ERLEC1: variants seen among roughly 807,000 people sequenced by gnomAD.
ERLEC1 encodes endoplasmic reticulum lectin 1, also known as ER lectin.
A neutral mutation model predicts 68.0 loss-of-function variants in ERLEC1; 47 were observed. The observed-to-expected ratio is 0.69, with a 90% CI of 0.55 to 0.88. ERLEC1 has a LOEUF of 0.88. ERLEC1 is among the 40% of genes least tolerant of loss of function. ERLEC1 has a pLI of 0.00. For missense variants in ERLEC1, 567 were observed against 583.8 expected (o/e 0.97, Z 0.30); for synonymous variants, 225 against 203.2 (o/e 1.11, Z -0.91).
intron 10 of ERLEC1, among the ~76,000 whole-genome samples, 198 bp downstream of exon 10, chr2:53,809,471 C>T (rs906490291): frequency 3.3e-5 from 5 of 152,114 alleles, no homozygotes; most frequent in African/African-American, 4.8e-5. Context: ...AGTGATATTG[C>T]TTATTAATTA....
intron 8 of ERLEC1, 116 bp from the exon 9 acceptor site, chr2:53,808,183 A>G: frequency 9.2e-7 from 1 of 1,082,892 alleles, no homozygotes; most frequent in South Asian, 1.7e-5. Flanking sequence ...ATTAAAAGCA[A>G]GTGGACAATT....
At chr2:53,802,364 A>G (rs540750737) in intron 8 of ERLEC1, among the ~76,000 whole-genome samples, 19 of 152,264 alleles carry the variant, frequency 1.2e-4, no homozygotes, top group South Asian at 2.1e-4. Flanking sequence ...CAATTGACCA[A>G]TTAGAAACCT....
Position 53,788,249 on chromosome 2 carries a change from A to G in ERLEC1, c.162+877A>G, listed in dbSNP as rs1460117073. On this transcript the variant is annotated intron_variant, in intron 1 of 13. Transcript: ENST00000185150. Reference sequence around the variant, plus strand: ...TCAAGCATTCAACTTGCAATACTTTATTATATTCTTTCATTACCATTTCAT... The same window carrying G: ...TCAAGCATTCAACTTGCAATACTTTGTTATATTCTTTCATTACCATTTCAT... 3.2e-4 allele frequency among the ~76,000 whole-genome samples: 49 copies of G among 152,204 alleles called. 1 individual carries two copies. The highest frequency in any genetic ancestry group is 2.9e-5 in the Non-Finnish European group (2 of 68,032).
intron 9 of ERLEC1, among the ~76,000 whole-genome samples, chr2:53,808,766 A>G (rs958922783): frequency 6.6e-5 from 10 of 152,280 alleles, no homozygotes; most frequent in African/African-American, 2.4e-4. Context: ...TTATGTAGCA[A>G]TCACATTTCA....
chr2:53,799,073 T>G lies in ERLEC1; in HGVS notation c.517T>G (p.Ser173Ala), dbSNP rs201137433. The G allele has an allele frequency of 3.1e-6, 5 of 1,612,076 alleles. No individual in the cohort carries two copies. The African/African-American group carries it at 6.7e-5, about 22-fold the overall frequency. ...ACGAGAAGCAGAAGAAAAGGAAAAATCAAATGAGGCAAGTGACAGATGTTG... is the reference window on the plus strand; with the variant it reads ...ACGAGAAGCAGAAGAAAAGGAAAAAGCAAATGAGGCAAGTGACAGATGTTG... ...KEREAEEKEKSNEIPTKNIEG... is the reference protein window; with the variant it reads ...KEREAEEKEKANEIPTKNIEG... The change falls in exon 6 of 14, where the codon TCA (serine) becomes GCA (alanine). Residue 173 changes from serine (S) to alanine (A), a missense_variant. By Grantham distance (99) the Ser-to-Ala change is moderately conservative. Coordinates refer to ENST00000185150, the MANE Select transcript of ERLEC1 (RefSeq NM_015701.5).
At chr2:53,800,324 T>C (rs941854730) in intron 6 of ERLEC1, among the ~76,000 whole-genome samples, 1 of 152,152 alleles carries the variant, frequency 6.6e-6, no homozygotes, top group Admixed American at 6.5e-5. Context: ...TACAATCTTA[T>C]GGGGCCATTG....
chr2:53,787,122 G>A lies in ERLEC1; in HGVS notation c.-89G>A, dbSNP rs1027542439. ...TGATACCCGGGCGCTTTATAGTCCC[G>A]CCGCCTCCTCCTCCACCTCCTCCTC... is the stretch of plus-strand genomic sequence containing the variant. On this transcript the variant is annotated 5_prime_UTR_variant, in exon 1 of 14. Transcript: ENST00000185150. 42 of 1,359,572 alleles carry A rather than the reference G, an allele frequency of 3.1e-5. No homozygotes were observed. Among genetic ancestry groups the A allele is most frequent in the Non-Finnish European group, 3.3e-5 (34 of 1,042,370 alleles). The allele number at this position is 1,359,572 out of a possible 1,614,324, so 84.2% of individuals were successfully genotyped here. A position where few individuals can be genotyped will look rare whatever the true frequency, so the allele number is the denominator to read the frequency against.
In ERLEC1 at chr2:53,808,477, C is replaced by G; in HGVS notation, c.1041+17C>G. On this transcript the variant is annotated intron_variant, in intron 9 of 13. Transcript: ENST00000185150. ...TTTCGTGGGGTGAGAAGTAAATCTT[C>G]AGTTTAAATATTTATTTTACAACTT... 2 of 1,611,112 alleles carry G rather than the reference C, an allele frequency of 1.2e-6. No homozygotes were observed. The highest frequency in any genetic ancestry group is 1.7e-6 in the Non-Finnish European group (2 of 1,179,462).
rs373239050 is a variant in ERLEC1, at chr2:53,788,195, T to A, written c.162+823T>A. On this transcript the variant is annotated intron_variant, in intron 1 of 13. Transcript: ENST00000185150. ...AATTGAAGTCCCGGAAAAAGCAAAATTTTTTTAAACTTTTTATTCCAATTA... is the reference window on the plus strand; with the variant it reads ...AATTGAAGTCCCGGAAAAAGCAAAAATTTTTTAAACTTTTTATTCCAATTA... Among the ~76,000 whole-genome samples the A allele has an allele frequency of 5.3e-4, 80 of 152,274 alleles. 2 individuals carry two copies. Among genetic ancestry groups the A allele is most frequent in the African/African-American group, 1.7e-3 (71 of 41,554 alleles).
In ERLEC1 at chr2:53,801,596, T is replaced by A; in HGVS notation, c.725T>A (p.Leu242His). Residue 242 changes from leucine (L) to histidine (H), a missense_variant, in exon 7 of 14, where the codon CTC becomes CAC. By Grantham distance (99) the Leu-to-His change is moderately conservative (BLOSUM62 -3). Coordinates refer to ENST00000185150, the MANE Select transcript of ERLEC1 (RefSeq NM_015701.5). ...CEYEVVILTP[L>H]LCSHPKYRFR... ...TATGAAGTTGTCATTTTGACACCAC[T>A]CTTGTGCAGTCATCCTAAATATAGG... 6.2e-7 allele frequency: 1 copy of A among 1,613,986 alleles called. No individual in the cohort carries two copies. Among genetic ancestry groups the A allele is most frequent in the East Asian group, 2.2e-5 (1 of 44,876 alleles).
At chr2:53,793,709 G>C (rs1675536731) in intron 1 of ERLEC1, among the ~76,000 whole-genome samples, 2 of 151,728 alleles carry the variant, frequency 1.3e-5, no homozygotes, top group African/African-American at 2.4e-5. Flanking sequence ...AACCTCCCAA[G>C]TATAATCACT....
At chr2:53,791,181 C>T (rs1675373240) in intron 1 of ERLEC1, among the ~76,000 whole-genome samples, 1 of 152,210 alleles carries the variant, frequency 6.6e-6, no homozygotes, top group African/African-American at 2.4e-5. Context: ...ATTAGGAGTT[C>T]CTCTCATGCC....
intron 8 of ERLEC1, among the ~76,000 whole-genome samples, chr2:53,804,992 T>A (rs1676208847): frequency 7.1e-6 from 1 of 139,996 alleles, no homozygotes; most frequent in Non-Finnish European, 1.6e-5. Flanking sequence ...AGGATCTCTT[T>A]TTTTTTTTTT....
chr2:53,817,374 C>G (rs753925531), intron 13 of ERLEC1, among the ~76,000 whole-genome samples: 3 of 152,124 alleles, frequency 2.0e-5, no homozygotes, highest in Non-Finnish European at 2.9e-5. Context: ...CCCTCACGAT[C>G]CGCCCGTCTC....
At chr2:53,816,572 A>G (rs1676898588) in intron 13 of ERLEC1, among the ~76,000 whole-genome samples, 1 of 151,752 alleles carries the variant, frequency 6.6e-6, no homozygotes, top group Non-Finnish European at 1.5e-5. Context: ...ACCCAGCCCC[A>G]TTTTCTTATT....
intron 2 of ERLEC1, 144 bp downstream of exon 2, chr2:53,794,593 C>T: frequency 2.0e-6 from 1 of 500,140 alleles, no homozygotes; most frequent in Non-Finnish European, 3.6e-6. Context: ...CTTTTAATAT[C>T]CCTGAATTCT....
intron 1 of ERLEC1, among the ~76,000 whole-genome samples, chr2:53,793,759 A>G (rs1052637213): frequency 1.3e-5 from 2 of 151,748 alleles, no homozygotes; most frequent in African/African-American, 2.4e-5. Flanking sequence ...TTTTTTCTTT[A>G]TACTCCAAAC....
At chr2:53,808,739 TATATCCCAC>T (rs1676433893) in intron 9 of ERLEC1, among the ~76,000 whole-genome samples, 2 of 152,214 alleles carry the variant, frequency 1.3e-5, no homozygotes, top group South Asian at 4.1e-4. Flanking sequence ...CATGTGATTG[TATATCCCAC>T]ATTTTGGTTA....
In ERLEC1 at chr2:53,808,404, T is replaced by C. The variant is rs776178564; in HGVS notation, c.985T>C (p.Leu329=). ...TGTTGGGACAACCCACATATCCAAATTGACAGATGACCAACTCATAAAAGA... is the reference window on the plus strand; with the variant it reads ...TGTTGGGACAACCCACATATCCAAACTGACAGATGACCAACTCATAAAAGA... The part of the protein sequence containing the change: ...LTVGTTHISK[L]TDDQLIKEFL... The change falls in exon 9 of 14, where the codon TTG becomes CTG. Residue 329 remains leucine (L), a synonymous_variant. Transcript: ENST00000185150. 1.4e-5 allele frequency: 22 copies of C among 1,614,092 alleles called. No individual in the cohort carries two copies. In the South Asian group the frequency reaches 1.4e-4, roughly 10 times the overall value.
Sources: gnomAD v4.1 joint callset for allele counts (sites outside exome capture counted in the v4.1 genomes callset) on GRCh38, gnomAD v4.1.1 for gene constraint, MANE v1.5 for transcripts, NCBI Gene and HGNC (gene_info 2026-07-23, HGNC 2026-07-21) for gene names.